Variants in PPARA observed in about 807,000 individuals in gnomAD.
PPARA encodes the protein peroxisome proliferator-activated receptor alpha.
PPARA carries 22 observed loss-of-function variants against 42.2 expected under a neutral mutation model. That is an observed-to-expected ratio of 0.52 (90% CI 0.37 to 0.74). The LOEUF (loss-of-function observed/expected upper bound fraction) is 0.74, where lower values mean the gene tolerates loss of function less well. Among genes scored for constraint, PPARA ranks in the 30% least tolerant of loss-of-function variants. The pLI, the probability that PPARA is intolerant of heterozygous loss-of-function variation, is 0.00. For synonymous variants in PPARA, 242 were observed against 239.3 expected, an observed-to-expected ratio of 1.01 and a Z score of -0.10; for missense variants, 465 against 608.2, an observed-to-expected ratio of 0.76 and a Z score of 2.48.
rs1300450539 is a variant in PPARA at position 46,231,773 on chromosome 22, T to A, written c.712-19T>A. ...CGCATCCCACATCACCTGACTTACCTTGGTGTCCTCCTTTGTAGCCTTTTG... is the reference window on the plus strand; with the variant it reads ...CGCATCCCACATCACCTGACTTACCATGGTGTCCTCCTTTGTAGCCTTTTG... On this transcript the variant is annotated intron_variant, in intron 7 of 8. Transcript: ENST00000407236. This position sits in a 1 kb window ranked among gnomAD's most constrained non-coding sequence, Gnocchi z 7.7. 6.2e-7 allele frequency: 1 copy of A among 1,610,156 alleles called. No individual in the cohort carries two copies. The highest frequency in any genetic ancestry group is 8.5e-7 in the Non-Finnish European group (1 of 1,178,962).
rs946375392 is a variant in PPARA at position 46,230,401 on chromosome 22, C to G, written c.712-1391C>G. Among the ~76,000 whole-genome samples the G allele has an allele frequency of 2.6e-5, 4 of 152,138 alleles. No individual in the cohort carries two copies. Among genetic ancestry groups the G allele is most frequent in the South Asian group, 2.1e-4 (1 of 4,828 alleles). On this transcript the variant is annotated intron_variant, in intron 7 of 8. Transcript: ENST00000407236. This position sits in a 1 kb window ranked among gnomAD's most constrained non-coding sequence, Gnocchi z 5.0. ...AAAAAAGAAATAACACCTTAGCCCA[C>G]TGCATTATTGACCTGTGTCTGCATG... is the stretch of plus-strand genomic sequence containing the variant.
At position 46,188,345 on chromosome 22, in the gene PPARA, C is replaced by A. The variant is rs1253520043; in HGVS notation, c.-42-9997C>A. ...GGGCCATATATGCAGATATGCTGTT[C>A]CCTTTTCCTTGAAATGGCCCTTACC... On this transcript the variant is annotated intron_variant, in intron 3 of 8. Coordinates refer to ENST00000407236, the MANE Select transcript of PPARA (RefSeq NM_005036.6). This position sits in a 1 kb window ranked among gnomAD's most constrained non-coding sequence, Gnocchi z 5.0. Among the ~76,000 whole-genome samples the A allele has an allele frequency of 2.0e-5, 3 of 152,202 alleles. No individual in the cohort carries two copies. Among genetic ancestry groups the A allele is most frequent in the African/African-American group, 2.4e-5 (1 of 41,450 alleles).
intron 4 of PPARA, among the ~76,000 whole-genome samples, chr22:46,213,780 G>A (rs1003003375): frequency 1.3e-5 from 2 of 152,008 alleles, no homozygotes; most frequent in Admixed American, 6.6e-5. Context: ...TAGTAGAGAC[G>A]GAGTTTCACC....
chr22:46,180,144 G>C lies in PPARA; in HGVS notation c.-43+3308G>C, dbSNP rs1029393574. On this transcript the variant is annotated intron_variant, in intron 3 of 8. Coordinates refer to ENST00000407236, the MANE Select transcript of PPARA (RefSeq NM_005036.6). This position sits in a 1 kb window ranked among gnomAD's most constrained non-coding sequence, Gnocchi z 4.2. ...AGGAACTAGAACTCTCATCTTTGCT[G>C]ACAGGAAGGTAAAATGATACAAACA... Among the ~76,000 whole-genome samples the C allele has an allele frequency of 6.6e-6, 1 of 151,058 alleles. No individual in the cohort carries two copies. Among genetic ancestry groups the C allele is most frequent in the Non-Finnish European group, 1.5e-5 (1 of 67,948 alleles).
rs992239687 is a variant in PPARA at position 46,203,743 on chromosome 22, G to A, written c.208+5152G>A. Among the ~76,000 whole-genome samples the A allele has an allele frequency of 1.3e-5, 2 of 152,220 alleles. No individual in the cohort carries two copies. The highest frequency in any genetic ancestry group is 2.1e-4 in the South Asian group (1 of 4,830). On this transcript the variant is annotated intron_variant, in intron 4 of 8. Coordinates refer to ENST00000407236, the MANE Select transcript of PPARA (RefSeq NM_005036.6). The surrounding 1 kb of genome is among the most constrained non-coding windows in gnomAD (Gnocchi z 5.8). ...ATGAGCTGGAGGCCAGGCTCCTCCCGCTGCGCAAGGTGAGAACTTCCCGTG... is the reference window on the plus strand; with the variant it reads ...ATGAGCTGGAGGCCAGGCTCCTCCCACTGCGCAAGGTGAGAACTTCCCGTG...
chr22:46,162,449 C>T lies in PPARA; in HGVS notation c.-127+10479C>T, dbSNP rs532270631. 2.6e-5 allele frequency among the ~76,000 whole-genome samples: 4 copies of T among 152,326 alleles called. No homozygotes were observed. Among genetic ancestry groups the T allele is most frequent in the Admixed American group, 2.6e-4 (4 of 15,300 alleles). ...TCATACCCCGCCGCACCCCTGTGAC[C>T]TCTACCTTTGAGACCTCAGCTTAAA... On this transcript the variant is annotated intron_variant, in intron 2 of 8. Transcript: ENST00000407236. The surrounding 1 kb of genome is among the most constrained non-coding windows in gnomAD (Gnocchi z 6.0).
At position 46,225,319 on chromosome 22, in the gene PPARA, C is replaced by A. The variant is rs1051887120; in HGVS notation, c.711+5305C>A. Among the ~76,000 whole-genome samples the A allele has an allele frequency of 1.3e-5, 2 of 152,030 alleles. No homozygotes were observed. The highest frequency in any genetic ancestry group is 6.5e-5 in the Admixed American group (1 of 15,268). ...GATTTGAGGGTAACAGGGATGGAAG[C>A]AGAGTCAGGGGGCTGAGGGAGGCAA... On this transcript the variant is annotated intron_variant, in intron 7 of 8. Transcript: ENST00000407236. The surrounding 1 kb of genome is among the most constrained non-coding windows in gnomAD (Gnocchi z 4.1).
In PPARA at chr22:46,238,884, C is replaced by T. The variant is rs926539914; in HGVS notation, c.*3504C>T. The stretch of plus-strand genomic sequence containing the variant: ...TGTCAAAACAAGATGCTTCCAGTTA[C>T]AGCGGCAGGAGCGGGACTGGGAGCA... On this transcript the variant is annotated 3_prime_UTR_variant, in exon 9 of 9. Transcript: ENST00000407236. The surrounding 1 kb of genome is among the most constrained non-coding windows in gnomAD (Gnocchi z 8.3). 1 of 152,376 alleles carries T rather than the reference C, an allele frequency of 6.6e-6. No individual in the cohort carries two copies. The highest frequency in any genetic ancestry group is 2.4e-5 in the African/African-American group (1 of 41,472). 9.4% of individuals were successfully genotyped at this position (152,376 alleles called of 1,614,324 possible).
At chr22:46,158,041 G>A (rs1160220690) in intron 2 of PPARA, among the ~76,000 whole-genome samples, 2 of 152,166 alleles carry the variant, frequency 1.3e-5, no homozygotes, top group African/African-American at 2.4e-5. Context: ...CATAGGAATG[G>A]TTTGAGATGA....
Position 46,161,594 on chromosome 22 carries a change from G to A in PPARA, c.-127+9624G>A, listed in dbSNP as rs578060331. 6.6e-6 allele frequency among the ~76,000 whole-genome samples: 1 copy of A among 152,024 alleles called. No individual in the cohort carries two copies. Among genetic ancestry groups the A allele is most frequent in the Non-Finnish European group, 1.5e-5 (1 of 67,948 alleles). ...CGAGACTCCATCTCAAAAATAATAA[G>A]TAAATAAATAAATAAATAAAAATTA... On this transcript the variant is annotated intron_variant, in intron 2 of 8. Transcript: ENST00000407236. This position sits in a 1 kb window ranked among gnomAD's most constrained non-coding sequence, Gnocchi z 4.8.
chr22:46,226,184 C>T (rs954367508), intron 7 of PPARA, among the ~76,000 whole-genome samples: 6 of 152,146 alleles, frequency 3.9e-5, no homozygotes, highest in Admixed American at 6.5e-5. Flanking sequence ...CATGCTCACA[C>T]GCATACCCAC....
In PPARA at chr22:46,225,800, C is replaced by G. The variant is rs1358909200; in HGVS notation, c.711+5786C>G. 2.6e-5 allele frequency among the ~76,000 whole-genome samples: 4 copies of G among 151,830 alleles called. No homozygotes were observed. Among genetic ancestry groups the G allele is most frequent in the Non-Finnish European group, 5.9e-5 (4 of 67,966 alleles). ...GTAAACACACACACCCCCACACATA[C>G]ACGTGCACCCACACATGCACACAGA... On this transcript the variant is annotated intron_variant, in intron 7 of 8. Coordinates refer to ENST00000407236, the MANE Select transcript of PPARA (RefSeq NM_005036.6). The surrounding 1 kb of genome is among the most constrained non-coding windows in gnomAD (Gnocchi z 4.1).
intron 3 of PPARA, among the ~76,000 whole-genome samples, chr22:46,197,153 G>C (rs1280718323): frequency 6.6e-6 from 1 of 151,926 alleles, no homozygotes; most frequent in Non-Finnish European, 1.5e-5. Flanking sequence ...AGGTTCAAGT[G>C]ATTCTCCTGC....
rs1175893229 is a variant in PPARA at position 46,225,858 on chromosome 22, CAT to C, written c.711+5845_711+5846del. 6.6e-6 allele frequency among the ~76,000 whole-genome samples: 1 copy of C among 151,834 alleles called. No individual in the cohort carries two copies. The highest frequency in any genetic ancestry group is 2.4e-5 in the African/African-American group (1 of 41,272). On this transcript the variant is annotated intron_variant, in intron 7 of 8. Transcript: ENST00000407236. The surrounding 1 kb of genome is among the most constrained non-coding windows in gnomAD (Gnocchi z 4.1). ...CCACCCCCACACACGCACACACACA[CAT>C]GCACCCACACATGGATACACGCACA...
At chr22:46,209,655 A>G (rs992688392) in intron 4 of PPARA, among the ~76,000 whole-genome samples, 2 of 152,172 alleles carry the variant, frequency 1.3e-5, no homozygotes, top group Non-Finnish European at 2.9e-5. Flanking sequence ...TAGAAGCATG[A>G]TTTGGTTCTG....
At chr22:46,172,742 G>T (rs1412876360) in intron 2 of PPARA, among the ~76,000 whole-genome samples, 1 of 152,222 alleles carries the variant, frequency 6.6e-6, no homozygotes, top group African/African-American at 2.4e-5. Context: ...TGGATTCAAG[G>T]CATGTTGACA....
intron 6 of PPARA, among the ~76,000 whole-genome samples, chr22:46,218,790 C>T (rs565838201): frequency 4.7e-5 from 7 of 148,050 alleles, no homozygotes; most frequent in South Asian, 2.1e-4. Flanking sequence ...GCTGAGATTG[C>T]GCCACTGCAC....
chr22:46,156,433 A>G lies in PPARA; in HGVS notation c.-127+4463A>G, dbSNP rs1349328699. 6.6e-6 allele frequency: 1 copy of G among 152,226 alleles called. No homozygotes were observed. Among genetic ancestry groups the G allele is most frequent in the Non-Finnish European group, 1.5e-5 (1 of 68,038 alleles). 9.4% of individuals were successfully genotyped at this position (152,226 alleles called of 1,614,324 possible). A position where few individuals can be genotyped will look rare whatever the true frequency, so the allele number is the denominator to read the frequency against. ...TGGCTCCTGCCTTTCTCACTTAGCC[A>G]GGTCTGATACCTGTGTTGTTTTCAC... On this transcript the variant is annotated intron_variant, in intron 2 of 8. Transcript: ENST00000407236. This position sits in a 1 kb window ranked among gnomAD's most constrained non-coding sequence, Gnocchi z 5.2.
At chr22:46,155,048 A>G (rs979149768) in intron 2 of PPARA, 4 of 133,070 alleles carry the variant, frequency 3.0e-5, no homozygotes, top group Admixed American at 2.5e-4. Flanking sequence ...TAAAATATGT[A>G]TTTGCTTATT....
Sources: allele counts gnomAD v4.1 joint callset (sites outside exome capture counted in the v4.1 genomes callset), GRCh38; gene constraint gnomAD v4.1.1; non-coding constraint Gnocchi (gnomAD v3.1); transcripts MANE v1.5; gene names NCBI Gene and HGNC (gene_info 2026-07-23, HGNC 2026-07-21).